NRG1: variants seen among roughly 807,000 people sequenced by gnomAD.
The protein encoded by NRG1 is neuregulin 1, also known as pro-neuregulin-1, membrane-bound isoform.
NRG1 carries 18 observed loss-of-function variants against 63.8 expected under a neutral mutation model. The ratio of observed to expected loss-of-function variants is 0.28; its 90% CI spans 0.19 to 0.42. The LOEUF (loss-of-function observed/expected upper bound fraction) is 0.42, where lower values mean the gene tolerates loss of function less well. Among genes scored for constraint, NRG1 ranks in the 10% least tolerant of loss-of-function variants. The pLI, the probability that NRG1 is intolerant of heterozygous loss-of-function variation, is 1.00. For synonymous variants in NRG1, 302 were observed against 301.3 expected (o/e 1.00, Z -0.02); for missense variants, 762 against 814.7 (o/e 0.94, Z 0.79).
At chr8:32,118,326 GGTT>G (rs1276576426) in intron 1 of NRG1, among the ~76,000 whole-genome samples, 1 of 151,888 alleles carries the variant, frequency 6.6e-6, no homozygotes, top group African/African-American at 2.4e-5. Flanking sequence ...CCGCAGAGCT[GGTT>G]GTTAAAAAGA....
At chr8:31,683,887 A>G (rs1489993277) in intron 1 of NRG1, among the ~76,000 whole-genome samples, 1 of 151,862 alleles carries the variant, frequency 6.6e-6, no homozygotes, top group African/African-American at 2.4e-5. Context: ...AATTTAAAAA[A>G]CTCTGATCTT....
intron 1 of NRG1, among the ~76,000 whole-genome samples, chr8:32,000,651 A>T (rs1812777709): frequency 6.6e-6 from 1 of 152,066 alleles, no homozygotes; most frequent in Non-Finnish European, 1.5e-5. Flanking sequence ...CATAAGCTGA[A>T]AAGCAAAAGT....
At chr8:32,390,820 G>T (rs11989773) in intron 1 of NRG1, among the ~76,000 whole-genome samples, 1 of 151,526 alleles carries the variant, frequency 6.6e-6, no homozygotes, top group Non-Finnish European at 1.5e-5. Context: ...TAGTACCAGC[G>T]TTCAGCACAG....
intron 1 of NRG1, among the ~76,000 whole-genome samples, chr8:31,974,260 G>C (rs1807795220): frequency 6.6e-6 from 1 of 151,978 alleles, no homozygotes; most frequent in South Asian, 2.1e-4. Context: ...CCAACTCCTG[G>C]GCTCAAGTGG....
At chr8:32,413,676 C>T (rs1032730171) in intron 1 of NRG1, among the ~76,000 whole-genome samples, 3 of 152,110 alleles carry the variant, frequency 2.0e-5, no homozygotes, top group African/African-American at 7.2e-5. Flanking sequence ...CAAATGCTTC[C>T]CTCACAATGA....
At chr8:31,735,808 T>C (rs1814606777) in intron 1 of NRG1, among the ~76,000 whole-genome samples, 1 of 152,174 alleles carries the variant, frequency 6.6e-6, no homozygotes. Flanking sequence ...CAGATCAGGA[T>C]CAAAACTTTG....
intron 3 of NRG1, among the ~76,000 whole-genome samples, chr8:32,608,971 A>G (rs542982202): frequency 1.6e-4 from 25 of 152,310 alleles, no homozygotes; most frequent in African/African-American, 6.0e-4. Context: ...TTGCATATTC[A>G]TTAAAAGACC....
intron 1 of NRG1, among the ~76,000 whole-genome samples, chr8:31,997,714 C>T (rs1812244298): frequency 6.6e-6 from 1 of 151,964 alleles, no homozygotes; most frequent in South Asian, 2.1e-4. Flanking sequence ...TTTGCTCTAA[C>T]CTGCTGAACT....
At chr8:31,861,295 G>C (rs1828450760) in intron 1 of NRG1, among the ~76,000 whole-genome samples, 1 of 152,076 alleles carries the variant, frequency 6.6e-6, no homozygotes, top group African/African-American at 2.4e-5. Context: ...ATCTCATTCA[G>C]ATTAAGTTTT....
intron 7 of NRG1, chr8:32,749,828 T>C: frequency 1.8e-6 from 1 of 553,088 alleles, no homozygotes; most frequent in Admixed American, 3.4e-5. Flanking sequence ...GTACCCTACC[T>C]GCTGCAAATT....
intron 5 of NRG1, among the ~76,000 whole-genome samples, chr8:32,638,554 C>G (rs552838451): frequency 1.3e-5 from 2 of 152,252 alleles, no homozygotes; most frequent in East Asian, 3.9e-4. Context: ...TCTCGGACTC[C>G]TGGCCTCAGG....
intron 1 of NRG1, among the ~76,000 whole-genome samples, chr8:31,763,100 C>T (rs187899923): frequency 2.0e-4 from 30 of 151,768 alleles, no homozygotes; most frequent in African/African-American, 6.3e-4. Flanking sequence ...TGCTGAAAAG[C>T]GTTTGAAAAA....
At chr8:32,465,514 A>G (rs1217212583) in intron 1 of NRG1, among the ~76,000 whole-genome samples, 1 of 152,232 alleles carries the variant, frequency 6.6e-6, no homozygotes, top group Admixed American at 6.5e-5. Context: ...CAAAATAGTG[A>G]GAGTCCTAAA....
At chr8:32,367,525 G>A (rs532274607) in intron 1 of NRG1, among the ~76,000 whole-genome samples, 28 of 150,266 alleles carry the variant, frequency 1.9e-4, no homozygotes, top group Non-Finnish European at 2.7e-4. Flanking sequence ...TTTTGTTTTC[G>A]TTTTCATTTT....
rs561243432 is a variant in NRG1, at chr8:31,785,213, G to A, written c.37+145782G>A. Among the ~76,000 whole-genome samples the A allele has an allele frequency of 2.0e-5, 3 of 152,288 alleles. No individual in the cohort carries two copies. In the East Asian group the frequency reaches 5.8e-4, roughly 29 times the overall value. On this transcript the variant is annotated intron_variant, in intron 1 of 10. Transcript: ENST00000519301. Reference sequence around the variant, plus strand: ...ACACACAATGGGCAAATGGAGATAGGTGACTGTAATTCAGAAGTGCACACA... The same window carrying A: ...ACACACAATGGGCAAATGGAGATAGATGACTGTAATTCAGAAGTGCACACA...
At chr8:32,230,002 G>A (rs552894961) in intron 1 of NRG1, among the ~76,000 whole-genome samples, 12 of 152,200 alleles carry the variant, frequency 7.9e-5, no homozygotes, top group Non-Finnish European at 1.6e-4. Context: ...CCAACCCCAA[G>A]CCAAACACGC....
intron 1 of NRG1, among the ~76,000 whole-genome samples, chr8:32,156,076 A>G (rs1290012154): frequency 6.6e-6 from 1 of 152,208 alleles, no homozygotes; most frequent in African/African-American, 2.4e-5. Flanking sequence ...CCGATTCCAG[A>G]ACAAAACTTA....
intron 1 of NRG1, among the ~76,000 whole-genome samples, chr8:32,028,984 C>G (rs1327915159): frequency 6.6e-6 from 1 of 152,040 alleles, no homozygotes; most frequent in Non-Finnish European, 1.5e-5. Context: ...TTAAGAATAT[C>G]ATTACTTCCT....
intron 1 of NRG1, among the ~76,000 whole-genome samples, chr8:32,153,196 G>A (rs1837692628): frequency 1.3e-5 from 2 of 152,130 alleles, no homozygotes; most frequent in Non-Finnish European, 2.9e-5. Flanking sequence ...GAAGGCCGGT[G>A]GGAGTAGGAT....
Sources: gnomAD v4.1 joint callset for allele counts (sites outside exome capture counted in the v4.1 genomes callset) on GRCh38, gnomAD v4.1.1 for gene constraint, MANE v1.5 for transcripts, NCBI Gene and HGNC (gene_info 2026-07-23, HGNC 2026-07-21) for gene names.